Variants in ADGRG7 observed in about 807,000 individuals in gnomAD.
ADGRG7 encodes the protein G-protein coupled receptor 128.
A neutral mutation model predicts 88.6 loss-of-function variants in ADGRG7; 82 were observed. The observed-to-expected ratio is 0.93, with a 90% CI of 0.77 to 1.11. The LOEUF (loss-of-function observed/expected upper bound fraction) is 1.11, where lower values mean the gene tolerates loss of function less well. Ranked by LOEUF, ADGRG7 falls within the 50% of genes most tolerant of loss-of-function variation. ADGRG7 has a pLI of 0.00. For missense variants in ADGRG7, 945 were observed against 953.4 expected (o/e 0.99, Z 0.12); for synonymous variants, 381 against 345.2 (o/e 1.10, Z -1.15).
At chr3:100,667,036 C>A (rs983291135) in intron 14 of ADGRG7, among the ~76,000 whole-genome samples, 3 of 152,070 alleles carry the variant, frequency 2.0e-5, no homozygotes, top group Non-Finnish European at 4.4e-5. Flanking sequence ...ATGGAGTCTC[C>A]TATGTCTACT....
At chr3:100,642,281 A>C (rs984467172) in intron 6 of ADGRG7, among the ~76,000 whole-genome samples, 1 of 152,218 alleles carries the variant, frequency 6.6e-6, no homozygotes, top group Non-Finnish European at 1.5e-5. Context: ...CCTCCCATTG[A>C]AAGCAGCTCT....
In ADGRG7 at chr3:100,649,713, C is replaced by A; in HGVS notation, c.1285C>A (p.Gln429Lys). Reference sequence around the variant, plus strand: ...TTTTCAGACTTTCAAAAAGGATTATCAATATCCCAAATCACTTGACATATT... The same window carrying A: ...TTTTCAGACTTTCAAAAAGGATTATAAATATCCCAAATCACTTGACATATT... Reference protein sequence around the residue: ...AVLMTFKKDYQYPKSLDILSN... With the variant: ...AVLMTFKKDYKYPKSLDILSN... The change falls in exon 11 of 16, where the codon CAA becomes AAA. Residue 429 changes from glutamine to lysine, a missense_variant. Physicochemically the swap from Gln to Lys is moderately conservative, Grantham distance 53. Coordinates refer to ENST00000273352, the MANE Select transcript of ADGRG7 (RefSeq NM_032787.3). 2 of 1,597,060 alleles carry A rather than the reference C, an allele frequency of 1.3e-6. No individual in the cohort carries two copies. The highest frequency in any genetic ancestry group is 1.7e-6 in the Non-Finnish European group (2 of 1,165,722).
intron 13 of ADGRG7, among the ~76,000 whole-genome samples, chr3:100,657,177 G>T (rs2094938820): frequency 6.6e-6 from 1 of 152,152 alleles, no homozygotes; most frequent in Non-Finnish European, 1.5e-5. Flanking sequence ...AATAAGAGAA[G>T]CTGGGGAGAG....
chr3:100,626,449 T>C (rs1391221631), intron 1 of ADGRG7, among the ~76,000 whole-genome samples: 1 of 152,220 alleles, frequency 6.6e-6, no homozygotes, highest in Non-Finnish European at 1.5e-5. Flanking sequence ...GAATCTTCCA[T>C]CCATACAAGG....
intron 15 of ADGRG7, among the ~76,000 whole-genome samples, chr3:100,694,419 A>T (rs75937188): frequency 6.6e-6 from 1 of 152,210 alleles, no homozygotes; most frequent in Non-Finnish European, 1.5e-5. Flanking sequence ...TAGGTATTTC[A>T]TAGTTAATCT....
intron 1 of ADGRG7, among the ~76,000 whole-genome samples, chr3:100,624,825 T>G (rs1707361018): frequency 6.6e-6 from 1 of 152,182 alleles, no homozygotes; most frequent in South Asian, 2.1e-4. Flanking sequence ...TTGTCCAGGT[T>G]GTTGAAGATC....
chr3:100,665,413 C>T (rs969082106), intron 14 of ADGRG7: 14 of 539,502 alleles, frequency 2.6e-5, no homozygotes, highest in African/African-American at 1.2e-4. Flanking sequence ...TTTGTGAAAA[C>T]GAAACTTTCT....
At position 100,678,893 on chromosome 3, in the gene ADGRG7, C is replaced by T. The variant is rs577453881; in HGVS notation, c.2136+9788C>T. ...CTTGTGGCCACCACCACTGGGACTG[C>T]GCTGGGTCAGAACTACAGCCAGAAC... On this transcript the variant is annotated intron_variant, in intron 15 of 15. Coordinates refer to ENST00000273352, the MANE Select transcript of ADGRG7 (RefSeq NM_032787.3). Among the ~76,000 whole-genome samples, 19 of 152,318 alleles carry T rather than the reference C, an allele frequency of 1.2e-4. No individual in the cohort carries two copies. The South Asian group carries it at 2.5e-3, about 20-fold the overall frequency.
At chr3:100,684,855 T>A (rs1277566947) in intron 15 of ADGRG7, among the ~76,000 whole-genome samples, 1 of 152,102 alleles carries the variant, frequency 6.6e-6, no homozygotes, top group East Asian at 1.9e-4. Context: ...ACAATAGATA[T>A]TGATTCCTCT....
chr3:100,683,248 G>A (rs1258582141), intron 15 of ADGRG7, among the ~76,000 whole-genome samples: 1 of 152,172 alleles, frequency 6.6e-6, no homozygotes, highest in African/African-American at 2.4e-5. Flanking sequence ...GAGCTGTAAC[G>A]CAAACAGGGC....
At chr3:100,692,247 T>G (rs916812585) in intron 15 of ADGRG7, among the ~76,000 whole-genome samples, 1 of 152,222 alleles carries the variant, frequency 6.6e-6, no homozygotes, top group African/African-American at 2.4e-5. Flanking sequence ...CCAGTGCCTT[T>G]TAGGATTAAT....
At position 100,637,394 on chromosome 3, in the gene ADGRG7, C is replaced by T. The variant is rs769363966; in HGVS notation, c.690C>T (p.Ala230=). 6.2e-7 allele frequency: 1 copy of T among 1,610,140 alleles called. No homozygotes were observed. Among genetic ancestry groups the T allele is most frequent in the Non-Finnish European group, 8.5e-7 (1 of 1,176,658 alleles). The change falls in exon 6 of 16, where the codon GCC becomes GCT. Residue 230 remains alanine, a synonymous_variant. Coordinates refer to ENST00000273352, the MANE Select transcript of ADGRG7 (RefSeq NM_032787.3). ...TTGCTGCTACTGCTAATGATGATGC[C>T]CTTACAACGTAAGCACAAATTCAAT... ...QRVAATANDD[A]LTTLIEQMET...
rs141775365 is a variant in ADGRG7 at position 100,656,232 on chromosome 3, C to T, written c.1823+237C>T. Among the ~76,000 whole-genome samples, 521 of 152,204 alleles carry T rather than the reference C, an allele frequency of 3.4e-3. 5 individuals carry two copies. Among genetic ancestry groups the T allele is most frequent in the Non-Finnish European group, 5.1e-3 (349 of 68,000 alleles). On this transcript the variant is annotated intron_variant, in intron 13 of 15. Coordinates refer to ENST00000273352, the MANE Select transcript of ADGRG7 (RefSeq NM_032787.3). ...TTCGAAATTTATAAATGTGAACTTT[C>T]TTATGTTAAATTTGTCTTCTTTCAT...
chr3:100,639,514 G>A (rs1707603692), intron 6 of ADGRG7, among the ~76,000 whole-genome samples: 1 of 152,158 alleles, frequency 6.6e-6, no homozygotes, highest in South Asian at 2.1e-4. Flanking sequence ...GATTTCAATA[G>A]GAGTCTGGGC....
At chr3:100,637,742 T>C (rs1248172009) in intron 6 of ADGRG7, among the ~76,000 whole-genome samples, 2 of 152,340 alleles carry the variant, frequency 1.3e-5, no homozygotes, top group East Asian at 3.9e-4. Flanking sequence ...TTGCAAAACA[T>C]AGAGCTACAG....
chr3:100,672,893 C>T (rs903848731), intron 15 of ADGRG7, among the ~76,000 whole-genome samples: 2 of 152,216 alleles, frequency 1.3e-5, no homozygotes, highest in South Asian at 4.1e-4. Context: ...AGCCTTGCAT[C>T]CCAGGGATGA....
intron 15 of ADGRG7, among the ~76,000 whole-genome samples, chr3:100,680,701 C>A (rs1335223202): frequency 6.6e-6 from 1 of 152,102 alleles, no homozygotes; most frequent in East Asian, 1.9e-4. Context: ...TTACTACTTT[C>A]CAGTAAAATC....
chr3:100,651,700 A>G (rs1427651074), intron 11 of ADGRG7, among the ~76,000 whole-genome samples: 27 of 152,168 alleles, frequency 1.8e-4, no homozygotes, highest in Non-Finnish European at 2.9e-5. Context: ...TTTTTTAAAG[A>G]GAGAAAAAAC....
intron 10 of ADGRG7, among the ~76,000 whole-genome samples, chr3:100,647,778 G>A (rs1486651925): frequency 6.6e-6 from 1 of 152,164 alleles, no homozygotes; most frequent in Non-Finnish European, 1.5e-5. Context: ...TATGAAGAGT[G>A]TTCTTCTCCT....
Sources: gnomAD v4.1 joint callset for allele counts (sites outside exome capture counted in the v4.1 genomes callset) on GRCh38, gnomAD v4.1.1 for gene constraint, MANE v1.5 for transcripts, NCBI Gene and HGNC (gene_info 2026-07-23, HGNC 2026-07-21) for gene names.